EP400: variants seen among roughly 807,000 people sequenced by gnomAD.
EP400 encodes E1A-binding protein p400.
EP400 carries 105 observed loss-of-function variants against 354.1 expected under a neutral mutation model. The observed-to-expected ratio is 0.30, with a 90% CI of 0.25 to 0.35. The LOEUF is 0.35. Among genes scored for constraint, EP400 ranks in the 10% least tolerant of loss-of-function variants. EP400 has a pLI of 1.00. For missense variants in EP400, 3,280 were observed against 4,121.0 expected (o/e 0.80, Z 5.59); for synonymous variants, 1,646 against 1,716.9 (o/e 0.96, Z 1.02).
In EP400 at chr12:132,067,144, C is replaced by T; in HGVS notation, c.8749+175C>T. Reference sequence around the variant, plus strand: ...CGCTTTCCAGGCGCAAGGCTGGGTCCTCAATTGAACTGTTAACATTCTGAA... The same window carrying T: ...CGCTTTCCAGGCGCAAGGCTGGGTCTTCAATTGAACTGTTAACATTCTGAA... On this transcript the variant is annotated intron_variant, in intron 49 of 52. Transcript: ENST00000389561. The surrounding 1 kb of genome is among the most constrained non-coding windows in gnomAD (Gnocchi z 5.3). The T allele has an allele frequency of 2.7e-6, 3 of 1,103,988 alleles. No individual in the cohort carries two copies. The South Asian group carries it at 5.0e-5, about 18-fold the overall frequency. The allele number at this position is 1,103,988 out of a possible 1,614,324, so 68.4% of individuals were successfully genotyped here. A position where few individuals can be genotyped will look rare whatever the true frequency, so the allele number is the denominator to read the frequency against.
chr12:132,011,696 A>G, intron 16 of EP400, 62 bp downstream of exon 16: 1 of 1,529,268 alleles, frequency 6.5e-7, no homozygotes, highest in Non-Finnish European at 8.8e-7. Context: ...TTTATAAAAG[A>G]CACATTAAAA....
At chr12:132,053,645 A>G (rs1359969463) in intron 43 of EP400, 48 bp downstream of exon 43, 2 of 1,452,948 alleles carry the variant, frequency 1.4e-6, no homozygotes, top group Admixed American at 5.0e-5. Context: ...GAAGTCACCC[A>G]CACCTGCACT....
chr12:132,024,738 C>T (rs1411545803), intron 24 of EP400, among the ~76,000 whole-genome samples: 1 of 150,364 alleles, frequency 6.7e-6, no homozygotes, highest in Admixed American at 6.6e-5. Context: ...CCACCTTCCT[C>T]GACAGCAGCC....
At chr12:132,071,138 G>A (rs1896054774) in intron 51 of EP400, among the ~76,000 whole-genome samples, 1 of 152,208 alleles carries the variant, frequency 6.6e-6, no homozygotes, top group Non-Finnish European at 1.5e-5. Context: ...GTCAGAGTAA[G>A]AAAATTCTGT....
In EP400 at chr12:132,027,843, C is replaced by T. The variant is rs1334998453; in HGVS notation, c.5110-174C>T. Among the ~76,000 whole-genome samples, 2 of 152,184 alleles carry T rather than the reference C, an allele frequency of 1.3e-5. No individual in the cohort carries two copies. The highest frequency in any genetic ancestry group is 6.5e-5 in the Admixed American group (1 of 15,282). ...TGTGCTCTCGGCTTCATTTCCATCT[C>T]TATTTCCTGTAGCTCTCGGCTTCAT... On this transcript the variant is annotated intron_variant, in intron 26 of 52. Transcript: ENST00000389561. This position sits in a 1 kb window ranked among gnomAD's most constrained non-coding sequence, Gnocchi z 4.9.
In EP400 at chr12:132,013,009, G is replaced by A; in HGVS notation, c.3442G>A (p.Glu1148Lys). The A allele has an allele frequency of 6.2e-7, 1 of 1,608,224 alleles. No individual in the cohort carries two copies. Among genetic ancestry groups the A allele is most frequent in the Non-Finnish European group, 8.5e-7 (1 of 1,176,754 alleles). The change falls in exon 17 of 53, where the codon GAG becomes AAG. Residue 1148 changes from glutamate (E) to lysine (K), a missense_variant and splice_region_variant. By Grantham distance (56) the Glu-to-Lys change is moderately conservative. Coordinates refer to ENST00000389561, the MANE Select transcript of EP400 (RefSeq NM_015409.5). The surrounding 1 kb of genome is among the most constrained non-coding windows in gnomAD (Gnocchi z 4.5). Reference protein sequence around the residue: ...SHRELKAKRQEWAEPNSFHVC... With the variant: ...SHRELKAKRQKWAEPNSFHVC... The stretch of plus-strand genomic sequence containing the variant: ...CTGAGCTGTCCTCTCTGTGCTGCAG[G>A]AGTGGGCCGAACCCAACAGCTTCCA...
At chr12:132,000,733 A>C (rs1021760824) in intron 12 of EP400, among the ~76,000 whole-genome samples, 48 of 152,150 alleles carry the variant, frequency 3.2e-4, no homozygotes, top group African/African-American at 1.1e-3. Flanking sequence ...CTATTTTATG[A>C]ATTCTCTTTT....
At chr12:131,985,847 A>G (rs1359970487) in intron 5 of EP400, among the ~76,000 whole-genome samples, 1 of 152,202 alleles carries the variant, frequency 6.6e-6, no homozygotes, top group East Asian at 1.9e-4. Context: ...ACCTCAGGTG[A>G]TCCGCCCACC....
chr12:132,008,023 A>G (rs1158557897), intron 15 of EP400, among the ~76,000 whole-genome samples: 1 of 151,892 alleles, frequency 6.6e-6, no homozygotes, highest in Non-Finnish European at 1.5e-5. Context: ...ATCTTGGCTC[A>G]CTGCAACCTC....
chr12:132,045,279 C>G (rs766009553), intron 37 of EP400, 40 bp from the exon 38 acceptor site: 148 of 1,608,502 alleles, frequency 9.2e-5, no homozygotes, highest in Middle Eastern at 1.7e-4. Context: ...TGTGGAATCT[C>G]CTGGTTTACT....
chr12:132,040,039 CAAAGAT>C (rs896394172), intron 32 of EP400, among the ~76,000 whole-genome samples: 3 of 152,106 alleles, frequency 2.0e-5, no homozygotes, highest in African/African-American at 4.8e-5. Context: ...CACCCTGTCT[CAAAGAT>C]AAAATATGCA....
At position 131,986,548 on chromosome 12, in the gene EP400, C is replaced by T. The variant is rs1164432049; in HGVS notation, c.1964C>T (p.Ala655Val). The T allele has an allele frequency of 1.2e-6, 2 of 1,612,126 alleles. No homozygotes were observed. The highest frequency in any genetic ancestry group is 1.3e-5 in the African/African-American group (1 of 75,054). Residue 655 changes from alanine to valine, a missense_variant, in exon 6 of 53, where the codon GCC (alanine) becomes GTC (valine). Physicochemically the swap from Ala to Val is moderately conservative, Grantham distance 64 (BLOSUM62 0). Transcript: ENST00000389561. The part of the protein sequence containing the change: ...VASTRLPVDP[A>V]PPCPRPLPTS... ...TCGACAAGGCTCCCTGTGGACCCTGCCCCGCCCTGCCCACGGCCTCTGCCC... is the reference window on the plus strand; with the variant it reads ...TCGACAAGGCTCCCTGTGGACCCTGTCCCGCCCTGCCCACGGCCTCTGCCC...
chr12:131,972,112 A>G (rs1593316825), intron 2 of EP400, among the ~76,000 whole-genome samples: 1 of 151,916 alleles, frequency 6.6e-6, no homozygotes, highest in South Asian at 2.1e-4. Context: ...TGCTTTAGGA[A>G]AAAATTCAGC....
chr12:132,077,783 A>G lies in EP400; in HGVS notation c.*110A>G, dbSNP rs56061121. Reference sequence around the variant, plus strand: ...CACGCAAGAGATTCAGCACTGGGAAAGATATAATTGAAACAAAATAGTGTA... The same window carrying G: ...CACGCAAGAGATTCAGCACTGGGAAGGATATAATTGAAACAAAATAGTGTA... On this transcript the variant is annotated 3_prime_UTR_variant, in exon 53 of 53. Transcript: ENST00000389561. 0.018 allele frequency: 23,827 copies of G among 1,294,704 alleles called. 255 individuals are homozygous for G. Among genetic ancestry groups the G allele is most frequent in the African/African-American group, 0.037 (2,489 of 66,996 alleles). 80.2% of individuals were successfully genotyped at this position (1,294,704 alleles called of 1,614,324 possible).
At chr12:131,975,833 A>G (rs1204513340) in intron 2 of EP400, among the ~76,000 whole-genome samples, 2 of 152,174 alleles carry the variant, frequency 1.3e-5, no homozygotes, top group Non-Finnish European at 2.9e-5. Context: ...GGCTGGAAAT[A>G]CAGCATAAGC....
Position 132,050,339 on chromosome 12 carries a change from C to T in EP400, c.7217C>T (p.Pro2406Leu), listed in dbSNP as rs1015873997. The change falls in exon 40 of 53, where the codon CCT becomes CTT. Residue 2406 changes from proline (P) to leucine (L), a missense_variant. Physicochemically the swap from Pro to Leu is moderately conservative, Grantham distance 98 (BLOSUM62 -3). Transcript: ENST00000389561. The surrounding 1 kb of genome is among the most constrained non-coding windows in gnomAD (Gnocchi z 4.8). ...REEGKSKNNR[P>L]LRTSQIYAQD... ...TCATTGCAGAGTAAAAACAACCGTC[C>T]TCTCCGTACGAGCCAGATCTATGCC... is the stretch of plus-strand genomic sequence containing the variant. The T allele has an allele frequency of 3.1e-6, 5 of 1,614,120 alleles. No individual in the cohort carries two copies. Among genetic ancestry groups the T allele is most frequent in the Non-Finnish European group, 4.2e-6 (5 of 1,180,020 alleles).
intron 13 of EP400, 113 bp downstream of exon 13, chr12:132,005,297 A>T (rs1382543453): frequency 4.4e-6 from 3 of 683,582 alleles, no homozygotes; most frequent in Non-Finnish European, 6.8e-6. Flanking sequence ...ATAAAAAATT[A>T]GAAATATTTA....
At chr12:132,055,271 C>A in intron 45 of EP400, 63 bp downstream of exon 45, 1 of 1,293,590 alleles carries the variant, frequency 7.7e-7, no homozygotes, top group South Asian at 1.4e-5. Flanking sequence ...ATTTGCTTGT[C>A]TGTTAATTCT....
intron 51 of EP400, among the ~76,000 whole-genome samples, chr12:132,069,926 T>G (rs1593389590): frequency 6.6e-6 from 1 of 152,378 alleles, no homozygotes; most frequent in Non-Finnish European, 1.5e-5. Flanking sequence ...CAGGCTCCTC[T>G]TCTCCCTTCC....
Sources: allele counts gnomAD v4.1 joint callset (sites outside exome capture counted in the v4.1 genomes callset), GRCh38; gene constraint gnomAD v4.1.1; non-coding constraint Gnocchi (gnomAD v3.1); transcripts MANE v1.5; gene names NCBI Gene and HGNC (gene_info 2026-07-23, HGNC 2026-07-21).